BMPR1B: variants seen among roughly 807,000 people sequenced by gnomAD.
The protein encoded by BMPR1B is bone morphogenetic protein receptor type 1B.
In BMPR1B, 12 loss-of-function variants were observed where a neutral mutation model predicts 59.1. The observed-to-expected ratio is 0.20, with a 90% CI of 0.13 to 0.33. The LOEUF (loss-of-function observed/expected upper bound fraction) is 0.33. Ranked by LOEUF, BMPR1B falls within the 10% of genes least tolerant of loss-of-function variation. The pLI, the probability that BMPR1B is intolerant of heterozygous loss-of-function variation, is 1.00. For missense variants in BMPR1B, 550 were observed against 610.9 expected (o/e 0.90, Z 1.05); for synonymous variants, 237 against 207.3 (o/e 1.14, Z -1.23).
At chr4:95,055,281 T>C (rs915176969) in intron 3 of BMPR1B, among the ~76,000 whole-genome samples, 2 of 152,178 alleles carry the variant, frequency 1.3e-5, no homozygotes, top group Admixed American at 6.5e-5. Flanking sequence ...AAATAGGTTA[T>C]ACATTTTTTT....
intron 3 of BMPR1B, among the ~76,000 whole-genome samples, chr4:95,083,359 A>G (rs566091329): frequency 6.6e-6 from 1 of 152,278 alleles, no homozygotes; most frequent in South Asian, 2.1e-4. Context: ...CATGGTAAGT[A>G]CCATAATCAT....
intron 2 of BMPR1B, among the ~76,000 whole-genome samples, chr4:94,960,317 A>G (rs2149065196): frequency 6.6e-6 from 1 of 152,274 alleles, no homozygotes; most frequent in East Asian, 1.9e-4. Context: ...TCTCCTGTAT[A>G]CTAGACCCTT....
chr4:95,042,476 C>T (rs1382238546), intron 3 of BMPR1B, among the ~76,000 whole-genome samples: 3 of 152,100 alleles, frequency 2.0e-5, no homozygotes, highest in Non-Finnish European at 4.4e-5. Context: ...CTATAAGGTG[C>T]ATGTGAAACA....
chr4:94,880,933 G>A (rs1726941903), intron 2 of BMPR1B, among the ~76,000 whole-genome samples: 1 of 152,136 alleles, frequency 6.6e-6, no homozygotes, highest in Non-Finnish European at 1.5e-5. Flanking sequence ...ACTGGGTCCA[G>A]CCCTAAAATA....
At chr4:94,886,792 A>G (rs73836161) in intron 2 of BMPR1B, among the ~76,000 whole-genome samples, 4,260 of 152,276 alleles carry the variant, frequency 0.028, 194 homozygotes, top group African/African-American at 0.097. Context: ...GCTTTGTGGT[A>G]TACACACAGA....
At chr4:94,883,468 A>G (rs1419233069) in intron 2 of BMPR1B, among the ~76,000 whole-genome samples, 2 of 152,254 alleles carry the variant, frequency 1.3e-5, no homozygotes, top group African/African-American at 2.4e-5. Context: ...ACTCATCCAC[A>G]TGCTCATTTC....
intron 3 of BMPR1B, among the ~76,000 whole-genome samples, chr4:95,080,665 T>C (rs184434836): frequency 6.6e-6 from 1 of 152,280 alleles, no homozygotes; most frequent in East Asian, 1.9e-4. Context: ...GCACTGATAA[T>C]AAACACCCGA....
At chr4:95,047,569 GT>G (rs1726143442) in intron 3 of BMPR1B, among the ~76,000 whole-genome samples, 1 of 152,144 alleles carries the variant, frequency 6.6e-6, no homozygotes, top group East Asian at 1.9e-4. Context: ...CCAAGGGAGT[GT>G]TTGCCAGTTA....
rs565768508 is a variant in BMPR1B, at chr4:95,131,655, A to G, written c.1076+143A>G. The stretch of plus-strand genomic sequence containing the variant: ...GACGGGGAGAACCACCAAACATTTT[A>G]TTAGCAACACAGCATATTTGGGTCT... On this transcript the variant is annotated intron_variant, in intron 10 of 12. Coordinates refer to ENST00000515059, the MANE Select transcript of BMPR1B (RefSeq NM_001203.3). 37 of 961,094 alleles carry G rather than the reference A, an allele frequency of 3.8e-5. No homozygotes were observed. The African/African-American group carries it at 5.7e-4, about 15-fold the overall frequency. 59.5% of individuals were successfully genotyped at this position (961,094 alleles called of 1,614,324 possible).
At chr4:94,882,913 A>G (rs1330196159) in intron 2 of BMPR1B, among the ~76,000 whole-genome samples, 1 of 152,044 alleles carries the variant, frequency 6.6e-6, no homozygotes, top group Non-Finnish European at 1.5e-5. Context: ...GATCAGAACT[A>G]GCCCCAGGCT....
intron 3 of BMPR1B, among the ~76,000 whole-genome samples, chr4:95,015,272 A>G (rs1428942009): frequency 6.6e-6 from 1 of 152,216 alleles, no homozygotes; most frequent in Non-Finnish European, 1.5e-5. Context: ...AAAAATTTTC[A>G]ATCGTGTGAA....
intron 4 of BMPR1B, among the ~76,000 whole-genome samples, chr4:95,106,372 G>C (rs1157931141): frequency 6.6e-6 from 1 of 152,024 alleles, no homozygotes; most frequent in Admixed American, 6.6e-5. Context: ...TTCAAGAACA[G>C]TTAGGTCAGG....
chr4:94,972,340 A>G (rs1182662411), intron 2 of BMPR1B, among the ~76,000 whole-genome samples: 3 of 152,078 alleles, frequency 2.0e-5, no homozygotes, highest in Non-Finnish European at 4.4e-5. Flanking sequence ...AAATAAATGT[A>G]TACTCATTTT....
At chr4:94,931,277 C>T (rs1355069370) in intron 2 of BMPR1B, among the ~76,000 whole-genome samples, 1 of 152,046 alleles carries the variant, frequency 6.6e-6, no homozygotes, top group Non-Finnish European at 1.5e-5. Context: ...CAATTTTACT[C>T]ATAATAATAG....
chr4:94,962,205 T>C, intron 2 of BMPR1B, among the ~76,000 whole-genome samples: 1 of 151,568 alleles, frequency 6.6e-6, no homozygotes, highest in Non-Finnish European at 1.5e-5. Flanking sequence ...TAGCGTAATC[T>C]TGGCTGACTG....
intron 2 of BMPR1B, among the ~76,000 whole-genome samples, chr4:94,935,317 CT>C (rs1729249193): frequency 6.6e-6 from 1 of 152,118 alleles, no homozygotes; most frequent in South Asian, 2.1e-4. Flanking sequence ...AAATAAACCC[CT>C]ATTACGATTT....
intron 2 of BMPR1B, among the ~76,000 whole-genome samples, chr4:94,970,066 G>T (rs888584541): frequency 1.3e-5 from 2 of 152,076 alleles, no homozygotes; most frequent in African/African-American, 4.8e-5. Flanking sequence ...TATAAGCCAA[G>T]ATTTTTTTTG....
At chr4:94,940,955 AC>A (rs1729487604) in intron 2 of BMPR1B, among the ~76,000 whole-genome samples, 1 of 151,198 alleles carries the variant, frequency 6.6e-6, no homozygotes, top group Middle Eastern at 3.4e-3. Context: ...AGGTTGAAGG[AC>A]ATTCTTCTTG....
intron 10 of BMPR1B, among the ~76,000 whole-genome samples, chr4:95,138,739 C>T (rs964933435): frequency 3.3e-5 from 5 of 152,276 alleles, no homozygotes; most frequent in Admixed American, 6.5e-5. Context: ...AGTTCTTGTG[C>T]CATGGTTTTC....
Sources: gnomAD v4.1 joint callset for allele counts (sites outside exome capture counted in the v4.1 genomes callset) on GRCh38, gnomAD v4.1.1 for gene constraint, MANE v1.5 for transcripts, NCBI Gene and HGNC (gene_info 2026-07-23, HGNC 2026-07-21) for gene names.